AGBL4: variants seen among roughly 807,000 people sequenced by gnomAD.
The protein encoded by AGBL4 is cytosolic carboxypeptidase 6.
AGBL4 carries 58 observed loss-of-function variants against 66.4 expected under a neutral mutation model. The ratio of observed to expected loss-of-function variants is 0.87; its 90% CI spans 0.71 to 1.09. The LOEUF is 1.09. Among genes scored for constraint, AGBL4 ranks in the 50% least tolerant of loss-of-function variants. The probability of loss-of-function intolerance (pLI) is 0.00; values close to 1 mark genes in which losing one functional copy is unlikely to be tolerated. For missense variants in AGBL4, 579 were observed against 631.0 expected, an observed-to-expected ratio of 0.92 and a Z score of 0.88; for synonymous variants, 234 against 222.9, an observed-to-expected ratio of 1.05 and a Z score of -0.44.
At chr1:48,752,670 TG>T in intron 6 of AGBL4, among the ~76,000 whole-genome samples, 1 of 152,342 alleles carries the variant, frequency 6.6e-6, no homozygotes, top group East Asian at 1.9e-4. Flanking sequence ...CATCTTCAAA[TG>T]ATTCTATATC....
chr1:49,625,768 G>C (rs1240801163), intron 3 of AGBL4, among the ~76,000 whole-genome samples: 2 of 152,104 alleles, frequency 1.3e-5, no homozygotes, highest in Non-Finnish European at 2.9e-5. Flanking sequence ...CACATTATTA[G>C]TAGAATCTTG....
In AGBL4 at chr1:48,587,021, G is replaced by C. The variant is rs1159593767; in HGVS notation, c.1250C>G (p.Pro417Arg). Residue 417 changes from proline (P) to arginine (R), a missense_variant, in exon 11 of 14, where the codon CCC becomes CGC. By Grantham distance (103) the Pro-to-Arg change is moderately radical (BLOSUM62 -2). Coordinates refer to ENST00000371839, the MANE Select transcript of AGBL4 (RefSeq NM_032785.4). ...AAGGATACAGGCTTCTTCAGTGTAG[G>C]GCACAGCAGCCGTGGTGCCACTGAT... ...YIISGTTAAV[P>R]YTEEAYMKLG... The C allele has an allele frequency of 6.2e-7, 1 of 1,610,074 alleles. No individual in the cohort carries two copies. Among genetic ancestry groups the C allele is most frequent in the African/African-American group, 1.3e-5 (1 of 74,850 alleles).
At chr1:49,999,648 A>G (rs1164942365) in intron 1 of AGBL4, among the ~76,000 whole-genome samples, 1 of 152,126 alleles carries the variant, frequency 6.6e-6, no homozygotes, top group African/African-American at 2.4e-5. Flanking sequence ...AACAACAAAA[A>G]TCTGGAGGTA....
intron 1 of AGBL4, chr1:49,994,338 A>C (rs1660191777): frequency 6.6e-6 from 1 of 151,886 alleles, no homozygotes; most frequent in Non-Finnish European, 1.5e-5. Context: ...AAAAAAAAAA[A>C]AAACCTGCTT....
At chr1:48,802,353 C>T (rs1230162950) in intron 6 of AGBL4, among the ~76,000 whole-genome samples, 3 of 152,134 alleles carry the variant, frequency 2.0e-5, no homozygotes, top group African/African-American at 7.2e-5. Flanking sequence ...TGCCCCTCAC[C>T]CTGCCATATG....
Position 48,736,048 on chromosome 1 carries a change from C to T in AGBL4, c.635-72807G>A, listed in dbSNP as rs545837956. 2.1e-4 allele frequency among the ~76,000 whole-genome samples: 32 copies of T among 152,348 alleles called. No individual in the cohort carries two copies. Among genetic ancestry groups the T allele is most frequent in the African/African-American group, 7.5e-4 (31 of 41,582 alleles). On this transcript the variant is annotated intron_variant, in intron 6 of 13. Transcript: ENST00000371839. The surrounding 1 kb of genome is among the most constrained non-coding windows in gnomAD (Gnocchi z 4.0). ...TGGAATATAATCGTACTTGTGTCCA[C>T]AGCTCATCTGCCCTGGTAAATGTGA...
chr1:48,757,698 T>C (rs1277923855), intron 6 of AGBL4, among the ~76,000 whole-genome samples: 1 of 152,188 alleles, frequency 6.6e-6, no homozygotes, highest in Non-Finnish European at 1.5e-5. Context: ...CACCTACAAA[T>C]ATAAGTAAAT....
rs555959807 is a variant in AGBL4, at chr1:49,948,588, G to T, written c.34+75175C>A. On this transcript the variant is annotated intron_variant, in intron 1 of 13. Coordinates refer to ENST00000371839, the MANE Select transcript of AGBL4 (RefSeq NM_032785.4). ...AAATATATATATATATATATAGAGA[G>T]AGAGAGAGAGAGAGAGAGATACACT... 3.9e-3 allele frequency among the ~76,000 whole-genome samples: 527 copies of T among 136,176 alleles called. 5 individuals are homozygous for T. The highest frequency in any genetic ancestry group is 7.0e-3 in the African/African-American group (252 of 35,792). The allele number at this position is 136,176 out of a possible 152,430, so 89.3% of individuals were successfully genotyped here.
At chr1:49,831,721 A>C (rs1221615658) in intron 2 of AGBL4, among the ~76,000 whole-genome samples, 2 of 152,180 alleles carry the variant, frequency 1.3e-5, no homozygotes, top group Non-Finnish European at 2.9e-5. Context: ...GCATTTGCCC[A>C]TTCAGTATGA....
chr1:48,555,711 G>A (rs1644311196), intron 11 of AGBL4, among the ~76,000 whole-genome samples: 1 of 152,170 alleles, frequency 6.6e-6, no homozygotes, highest in Admixed American at 6.5e-5. Flanking sequence ...GGATTTGAAG[G>A]GGACCCAGAC....
chr1:50,015,124 C>A (rs1661880725), intron 1 of AGBL4, among the ~76,000 whole-genome samples: 1 of 152,248 alleles, frequency 6.6e-6, no homozygotes, highest in Admixed American at 6.5e-5. Context: ...TCTCTCCACA[C>A]TTCTGCCTAC....
intron 3 of AGBL4, among the ~76,000 whole-genome samples, chr1:49,389,927 C>T (rs918950116): frequency 6.6e-6 from 1 of 152,166 alleles, no homozygotes; most frequent in African/African-American, 2.4e-5. Flanking sequence ...GTAGAATTCT[C>T]AAGCACAGGC....
intron 2 of AGBL4, among the ~76,000 whole-genome samples, chr1:49,737,575 G>T (rs1650002148): frequency 6.6e-6 from 1 of 152,166 alleles, no homozygotes; most frequent in Non-Finnish European, 1.5e-5. Context: ...CTAAGAACCA[G>T]GTTCTGTGGT....
intron 5 of AGBL4, among the ~76,000 whole-genome samples, chr1:48,930,275 G>T (rs1345300529): frequency 1.3e-5 from 2 of 151,988 alleles, no homozygotes; most frequent in Non-Finnish European, 2.9e-5. Context: ...GCCATCTGGA[G>T]AAATTTTCTA....
At chr1:48,989,523 A>G (rs1347911399) in intron 5 of AGBL4, among the ~76,000 whole-genome samples, 1 of 151,874 alleles carries the variant, frequency 6.6e-6, no homozygotes, top group Non-Finnish European at 1.5e-5. Flanking sequence ...CCTCCCACCC[A>G]CCAACTATCC....
intron 3 of AGBL4, among the ~76,000 whole-genome samples, chr1:49,689,879 T>C (rs950266423): frequency 1.3e-5 from 2 of 152,202 alleles, no homozygotes; most frequent in African/African-American, 4.8e-5. Context: ...GACTCCAATT[T>C]TGAAAGAAGT....
chr1:48,572,120 G>A (rs566351049), intron 11 of AGBL4, among the ~76,000 whole-genome samples: 1 of 152,272 alleles, frequency 6.6e-6, no homozygotes, highest in East Asian at 1.9e-4. Flanking sequence ...AACAAAAGAA[G>A]GAGGCAGCAG....
At chr1:49,052,988 C>A (rs1644247109) in intron 4 of AGBL4, among the ~76,000 whole-genome samples, 1 of 152,086 alleles carries the variant, frequency 6.6e-6, no homozygotes, top group East Asian at 1.9e-4. Flanking sequence ...GTTTCCCAAT[C>A]TATAAAATGC....
At chr1:48,557,029 A>T (rs565461505) in intron 11 of AGBL4, among the ~76,000 whole-genome samples, 1 of 152,134 alleles carries the variant, frequency 6.6e-6, no homozygotes, top group Admixed American at 6.5e-5. Context: ...AGCTCAGGAG[A>T]TCCTCCTACC....
Sources: allele counts gnomAD v4.1 joint callset (sites outside exome capture counted in the v4.1 genomes callset), GRCh38; gene constraint gnomAD v4.1.1; non-coding constraint Gnocchi (gnomAD v3.1); transcripts MANE v1.5; gene names NCBI Gene and HGNC (gene_info 2026-07-23, HGNC 2026-07-21).